The following SLC39A12 variants were observed in gnomAD, a reference collection of about 807,000 sequenced individuals.
SLC39A12 encodes the protein solute carrier family 39 member 12.
SLC39A12 carries 63 observed loss-of-function variants against 71.1 expected under a neutral mutation model. That is an observed-to-expected ratio of 0.89 (90% CI 0.72 to 1.09). The LOEUF is 1.09. Among genes scored for constraint, SLC39A12 ranks in the 50% least tolerant of loss-of-function variants. SLC39A12 has a pLI of 0.00. For synonymous variants in SLC39A12, 351 were observed against 301.3 expected (o/e 1.16, Z -1.71); for missense variants, 892 against 812.6 (o/e 1.10, Z -1.19).
intron 6 of SLC39A12, among the ~76,000 whole-genome samples, chr10:17,986,609 G>A (rs967299667): frequency 6.6e-6 from 1 of 152,182 alleles, no homozygotes; most frequent in Non-Finnish European, 1.5e-5. Context: ...CACCACCTTG[G>A]TGGTTAGGTT....
Position 18,034,491 on chromosome 10 carries a change from A to T in SLC39A12, c.1948-8214A>T, listed in dbSNP as rs1173979685. On this transcript the variant is annotated intron_variant, in intron 12 of 12. Transcript: ENST00000377369. The stretch of plus-strand genomic sequence containing the variant: ...CAACCCCTGCCTTTTTTTGTTTTCC[A>T]TTAGCTTGGTAGATCTTCCTCCATC... 2.6e-5 allele frequency among the ~76,000 whole-genome samples: 4 copies of T among 151,750 alleles called. No individual in the cohort carries two copies. The East Asian group carries it at 5.8e-4, about 22-fold the overall frequency.
chr10:17,985,722 A>G (rs982014213), intron 6 of SLC39A12, among the ~76,000 whole-genome samples: 3 of 151,966 alleles, frequency 2.0e-5, no homozygotes, highest in Non-Finnish European at 4.4e-5. Context: ...TTGATTCTGA[A>G]AGTCATTTCC....
At chr10:18,015,724 C>A (rs1487432442) in intron 12 of SLC39A12, among the ~76,000 whole-genome samples, 2 of 151,740 alleles carry the variant, frequency 1.3e-5, no homozygotes, top group African/African-American at 4.8e-5. Context: ...TGATTCTTCT[C>A]AAAGTGGATG....
chr10:17,992,069 A>G (rs1835563379), intron 8 of SLC39A12, among the ~76,000 whole-genome samples: 1 of 135,268 alleles, frequency 7.4e-6, no homozygotes, highest in Non-Finnish European at 1.6e-5. Context: ...AGCCTGGGTG[A>G]CAGAGCGAGA....
At chr10:17,989,573 G>C (rs1835488734) in intron 7 of SLC39A12, among the ~76,000 whole-genome samples, 1 of 151,242 alleles carries the variant, frequency 6.6e-6, no homozygotes, top group Non-Finnish European at 1.5e-5. Flanking sequence ...GAGAACTTCA[G>C]AGATTAGCTG....
At chr10:18,034,038 T>C (rs1173246175) in intron 12 of SLC39A12, among the ~76,000 whole-genome samples, 1 of 149,054 alleles carries the variant, frequency 6.7e-6, no homozygotes, top group Non-Finnish European at 1.5e-5. Flanking sequence ...ATTTCTGTTC[T>C]TTTACATTTG....
chr10:18,000,958 A>C, intron 11 of SLC39A12, 133 bp downstream of exon 11: 1 of 915,110 alleles, frequency 1.1e-6, no homozygotes, highest in Non-Finnish European at 1.6e-6. Context: ...AATTTATTTA[A>C]ACCATAAGAA....
At position 17,965,615 on chromosome 10, in the gene SLC39A12, A is replaced by T. The variant is rs962494178; in HGVS notation, c.676A>T (p.Asn226Tyr). 6.2e-6 allele frequency: 10 copies of T among 1,614,168 alleles called. No individual in the cohort carries two copies. The highest frequency in any genetic ancestry group is 8.5e-6 in the Non-Finnish European group (10 of 1,180,018). Residue 226 changes from asparagine (N) to tyrosine (Y), a missense_variant, in exon 4 of 13, where the codon AAC becomes TAC. Asn to Tyr is a moderately radical substitution (Grantham distance 143, BLOSUM62 -2). Coordinates refer to ENST00000377369, the MANE Select transcript of SLC39A12 (RefSeq NM_001145195.2). ...SLQGVCLGQG[N>Y]LPSPDYFTEY... ...CCAGGGTGTTTGTCTGGGACAAGGA[A>T]ACTTGCCTTCCCCAGACTACTTTAC... is the stretch of plus-strand genomic sequence containing the variant.
At chr10:18,036,780 A>T (rs1362442713) in intron 12 of SLC39A12, among the ~76,000 whole-genome samples, 300 of 7,028 alleles carry the variant, frequency 0.043, 9 homozygotes, top group African/African-American at 0.16. Context: ...ATATATATAT[A>T]TATATATATA....
At chr10:17,972,366 A>T (rs1024290915) in intron 4 of SLC39A12, among the ~76,000 whole-genome samples, 1 of 152,146 alleles carries the variant, frequency 6.6e-6, no homozygotes, top group Non-Finnish European at 1.5e-5. Flanking sequence ...TGTATAGTGC[A>T]GATGAAGTTT....
intron 2 of SLC39A12, among the ~76,000 whole-genome samples, chr10:17,960,287 A>C (rs1227360038): frequency 6.6e-6 from 1 of 152,196 alleles, no homozygotes; most frequent in African/African-American, 2.4e-5. Flanking sequence ...CTGATACAGC[A>C]AGGATACCTT....
intron 6 of SLC39A12, among the ~76,000 whole-genome samples, chr10:17,983,414 G>C (rs979804202): frequency 7.2e-5 from 11 of 152,024 alleles, no homozygotes; most frequent in African/African-American, 2.7e-4. Context: ...TTGGAGCCCA[G>C]CAGTTCAAGG....
intron 2 of SLC39A12, among the ~76,000 whole-genome samples, chr10:17,954,955 A>G (rs1554847609): frequency 3.9e-5 from 6 of 152,234 alleles, no homozygotes; most frequent in Non-Finnish European, 8.8e-5. Context: ...AAAATACCCA[A>G]TGGTTCCCAG....
intron 6 of SLC39A12, among the ~76,000 whole-genome samples, chr10:17,987,093 C>G (rs893994337): frequency 3.3e-5 from 5 of 152,122 alleles, no homozygotes; most frequent in African/African-American, 1.2e-4. Flanking sequence ...ATTTGGGAGG[C>G]TGAGACGAGT....
chr10:17,975,391 C>T (rs1835084075), intron 4 of SLC39A12, among the ~76,000 whole-genome samples: 1 of 152,164 alleles, frequency 6.6e-6, no homozygotes, highest in Non-Finnish European at 1.5e-5. Context: ...GGTGACAAGT[C>T]CTGCCCGGAC....
At chr10:17,983,941 T>G (rs1215395459) in intron 6 of SLC39A12, among the ~76,000 whole-genome samples, 1 of 152,190 alleles carries the variant, frequency 6.6e-6, no homozygotes. Context: ...GAGACATTAT[T>G]AAGAAAATAC....
chr10:17,976,587 T>TA (rs201309197), intron 4 of SLC39A12, among the ~76,000 whole-genome samples: 3,414 of 152,122 alleles, frequency 0.022, 117 homozygotes, highest in African/African-American at 0.074. Flanking sequence ...CTGGCTAATT[T>TA]TTATATATAT....
chr10:18,022,530 A>C (rs1279968304), intron 12 of SLC39A12, among the ~76,000 whole-genome samples: 1 of 152,102 alleles, frequency 6.6e-6, no homozygotes, highest in Non-Finnish European at 1.5e-5. Flanking sequence ...ATTCTCTTGA[A>C]TCATTTTACT....
At chr10:17,978,510 G>A (rs1835173012) in intron 5 of SLC39A12, among the ~76,000 whole-genome samples, 1 of 152,154 alleles carries the variant, frequency 6.6e-6, no homozygotes, top group African/African-American at 2.4e-5. Context: ...TCAGACTCAT[G>A]TTTATTGTAT....
Sources: gnomAD v4.1 joint callset for allele counts (sites outside exome capture counted in the v4.1 genomes callset) on GRCh38, gnomAD v4.1.1 for gene constraint, MANE v1.5 for transcripts, NCBI Gene and HGNC (gene_info 2026-07-23, HGNC 2026-07-21) for gene names.